The following MDFIC2 variants were observed in gnomAD, a reference collection of about 807,000 sequenced individuals.
The protein encoded by MDFIC2 is myoD family inhibitor domain-containing protein 2.
chr3:70,263,094 G>A (rs1241388753), intron 2 of MDFIC2, among the ~76,000 whole-genome samples: 2 of 151,908 alleles, frequency 1.3e-5, no homozygotes, highest in Admixed American at 1.3e-4. Context: ...ATATCTTTGA[G>A]CATATAGGAC....
intron 2 of MDFIC2, among the ~76,000 whole-genome samples, chr3:70,245,317 T>C (rs1701696472): frequency 6.6e-6 from 1 of 152,176 alleles, no homozygotes; most frequent in South Asian, 2.1e-4. Flanking sequence ...TTTTCCTCTC[T>C]CATTGCCTAA....
At chr3:70,312,230 T>C (rs1001376572) in intron 1 of MDFIC2, among the ~76,000 whole-genome samples, 1 of 152,184 alleles carries the variant, frequency 6.6e-6, no homozygotes, top group Non-Finnish European at 1.5e-5. Flanking sequence ...AATTTCTCAA[T>C]GTGAAAGAAT....
intron 3 of MDFIC2, among the ~76,000 whole-genome samples, chr3:70,199,803 G>T (rs1330430981): frequency 6.6e-6 from 1 of 152,128 alleles, no homozygotes; most frequent in Non-Finnish European, 1.5e-5. Flanking sequence ...GATATTCAAA[G>T]TCCTATCCCA....
intron 2 of MDFIC2, chr3:70,272,205 A>T (rs1701982272): frequency 6.6e-6 from 1 of 152,224 alleles, no homozygotes; most frequent in Non-Finnish European, 1.5e-5. Flanking sequence ...TGGGGGTTTG[A>T]CAAAAGTGCA....
intron 2 of MDFIC2, among the ~76,000 whole-genome samples, chr3:70,261,524 C>T (rs1466507723): frequency 6.6e-6 from 1 of 152,180 alleles, no homozygotes; most frequent in East Asian, 1.9e-4. Context: ...TTTCAATTTC[C>T]GTGGTAATGA....
At chr3:70,249,088 C>T (rs2106649163) in intron 2 of MDFIC2, 1 of 152,252 alleles carries the variant, frequency 6.6e-6, no homozygotes, top group East Asian at 1.9e-4. Flanking sequence ...ACCACAAAGT[C>T]CCTGATCTTT....
At chr3:70,233,552 A>G (rs369922148) in intron 2 of MDFIC2, among the ~76,000 whole-genome samples, 4 of 152,196 alleles carry the variant, frequency 2.6e-5, no homozygotes, top group African/African-American at 9.7e-5. Flanking sequence ...GACTTTTGAC[A>G]TATGTGTGCA....
At chr3:70,298,614 A>G (rs1278540159) in intron 2 of MDFIC2, among the ~76,000 whole-genome samples, 1 of 152,154 alleles carries the variant, frequency 6.6e-6, no homozygotes, top group Non-Finnish European at 1.5e-5. Context: ...TAAAATCACC[A>G]TGACTGTGCT....
At chr3:70,285,001 T>C (rs1039530255) in intron 2 of MDFIC2, among the ~76,000 whole-genome samples, 51 of 152,134 alleles carry the variant, frequency 3.4e-4, no homozygotes, top group Non-Finnish European at 4.7e-4. Context: ...ATCACTGCAG[T>C]TCCAAATTAC....
intron 2 of MDFIC2, among the ~76,000 whole-genome samples, chr3:70,256,367 A>G (rs1460935233): frequency 6.6e-6 from 1 of 152,212 alleles, no homozygotes; most frequent in Non-Finnish European, 1.5e-5. Flanking sequence ...GATCTATTAT[A>G]TAAACTAATC....
intron 2 of MDFIC2, among the ~76,000 whole-genome samples, chr3:70,230,892 C>A (rs1165727067): frequency 6.6e-6 from 1 of 152,124 alleles, no homozygotes; most frequent in Non-Finnish European, 1.5e-5. Flanking sequence ...CTTAACAAAC[C>A]CAGCTCTGTT....
At chr3:70,290,658 C>A (rs996527302) in intron 2 of MDFIC2, among the ~76,000 whole-genome samples, 10 of 152,220 alleles carry the variant, frequency 6.6e-5, no homozygotes, top group Non-Finnish European at 1.5e-4. Context: ...CCTCCCCTAG[C>A]CTCGCTGCCG....
In MDFIC2 at chr3:70,296,545, T is replaced by C. The variant is rs116110304; in HGVS notation, c.88+15341A>G. Among the ~76,000 whole-genome samples the C allele has an allele frequency of 2.8e-3, 428 of 152,302 alleles. 3 individuals are homozygous for C. The highest frequency in any genetic ancestry group is 9.4e-3 in the African/African-American group (391 of 41,558). On this transcript the variant is annotated intron_variant, in intron 2 of 3. Coordinates refer to ENST00000567252, the MANE Select transcript of MDFIC2 (RefSeq NM_001364677.1). ...CATTTGGTTACTTAATTCACATCAGTTGGAATCTACCCTACATTTCTCTCT... is the reference window on the plus strand; with the variant it reads ...CATTTGGTTACTTAATTCACATCAGCTGGAATCTACCCTACATTTCTCTCT...
At chr3:70,285,928 G>C (rs1032086726) in intron 2 of MDFIC2, among the ~76,000 whole-genome samples, 2 of 150,916 alleles carry the variant, frequency 1.3e-5, no homozygotes, top group Non-Finnish European at 3.0e-5. Flanking sequence ...TTGTAAATTT[G>C]TTTGAGTTCA....
At chr3:70,251,394 A>G (rs993537425) in intron 2 of MDFIC2, among the ~76,000 whole-genome samples, 7 of 152,172 alleles carry the variant, frequency 4.6e-5, no homozygotes, top group Admixed American at 3.3e-4. Flanking sequence ...TTATCTGACT[A>G]TGCATCCCAA....
At chr3:70,265,331 AT>A (rs1199745400) in intron 2 of MDFIC2, among the ~76,000 whole-genome samples, 1 of 152,222 alleles carries the variant, frequency 6.6e-6, no homozygotes, top group African/African-American at 2.4e-5. Context: ...CAAGTGTGAT[AT>A]TCTTTTCACT....
intron 2 of MDFIC2, among the ~76,000 whole-genome samples, chr3:70,231,351 C>T (rs1056257398): frequency 2.6e-5 from 4 of 152,330 alleles, no homozygotes; most frequent in South Asian, 4.1e-4. Context: ...CGCCATCTCT[C>T]TCTGGGATCA....
chr3:70,195,693 T>A lies in MDFIC2; in HGVS notation c.*1233A>T, dbSNP rs916108076. Among the ~76,000 whole-genome samples the A allele has an allele frequency of 6.6e-6, 1 of 152,230 alleles. No homozygotes were observed. Among genetic ancestry groups the A allele is most frequent in the Non-Finnish European group, 1.5e-5 (1 of 68,044 alleles). On this transcript the variant is annotated 3_prime_UTR_variant, in exon 4 of 4. Coordinates refer to ENST00000567252, the MANE Select transcript of MDFIC2 (RefSeq NM_001364677.1). ...TTGTTTGGTTACTCATGCATGATGC[T>A]TTTTTATATTCAGTGAAAATATTAA...
At chr3:70,221,185 C>T (rs1701457789) in intron 2 of MDFIC2, among the ~76,000 whole-genome samples, 1 of 152,132 alleles carries the variant, frequency 6.6e-6, no homozygotes, top group African/African-American at 2.4e-5. Context: ...TGAGTTTCCT[C>T]TCCCACATAC....
Sources: allele counts gnomAD v4.1 joint callset (sites outside exome capture counted in the v4.1 genomes callset), GRCh38; gene constraint gnomAD v4.1.1; transcripts MANE v1.5; gene names NCBI Gene and HGNC (gene_info 2026-07-23, HGNC 2026-07-21).